The following PXDNL variants were observed in gnomAD, a reference collection of about 807,000 sequenced individuals.
PXDNL encodes probable oxidoreductase PXDNL.
In PXDNL, 145 loss-of-function variants were observed where a neutral mutation model predicts 150.8. The ratio of observed to expected loss-of-function variants is 0.96; its 90% CI spans 0.84 to 1.10. The LOEUF (loss-of-function observed/expected upper bound fraction) is 1.10, where lower values mean the gene tolerates loss of function less well. Ranked by LOEUF, PXDNL falls within the 50% of genes least tolerant of loss-of-function variation. The pLI is 0.00. For missense variants in PXDNL, 2,087 were observed against 1,873.9 expected (o/e 1.11, Z -2.10); for synonymous variants, 757 against 725.7 (o/e 1.04, Z -0.69).
In PXDNL at chr8:51,801,050, G is replaced by C. The variant is rs184532268; in HGVS notation, c.164+8131C>G. On this transcript the variant is annotated intron_variant, in intron 1 of 22. Coordinates refer to ENST00000356297, the MANE Select transcript of PXDNL (RefSeq NM_144651.5). Reference sequence around the variant, plus strand: ...AGAACCATATTTTTCTTTTTGCAGAGAGCCTATAAATTGACGTGCAAGTAG... The same window carrying C: ...AGAACCATATTTTTCTTTTTGCAGACAGCCTATAAATTGACGTGCAAGTAG... Among the ~76,000 whole-genome samples, 404 of 152,272 alleles carry C rather than the reference G, an allele frequency of 2.7e-3. 2 individuals are homozygous for C. Among genetic ancestry groups the C allele is most frequent in the Non-Finnish European group, 4.5e-3 (308 of 68,030 alleles).
intron 4 of PXDNL, among the ~76,000 whole-genome samples, chr8:51,509,115 T>C (rs886275697): frequency 2.6e-5 from 4 of 152,248 alleles, no homozygotes; most frequent in East Asian, 1.9e-4. Context: ...CTTGTTGAGA[T>C]AGTAGATTTT....
intron 5 of PXDNL, among the ~76,000 whole-genome samples, chr8:51,495,425 AAGATCAGAGC>A (rs1357440065): frequency 2.0e-5 from 3 of 152,214 alleles, no homozygotes; most frequent in Non-Finnish European, 4.4e-5. Flanking sequence ...AGAAATAACT[AAGATCAGAGC>A]AGAATTGAAG....
At chr8:51,733,999 A>G (rs1816986438) in intron 1 of PXDNL, among the ~76,000 whole-genome samples, 1 of 151,896 alleles carries the variant, frequency 6.6e-6, no homozygotes, top group South Asian at 2.1e-4. Context: ...TAGATGTTTT[A>G]TGGTTAACTC....
At chr8:51,349,278 A>T (rs75450664) in intron 19 of PXDNL, among the ~76,000 whole-genome samples, 2,711 of 152,136 alleles carry the variant, frequency 0.018, 69 homozygotes, top group African/African-American at 0.06. Context: ...CTAGATTCTT[A>T]GTGGGTGAAA....
At chr8:51,735,781 C>T (rs996476762) in intron 1 of PXDNL, among the ~76,000 whole-genome samples, 2 of 151,374 alleles carry the variant, frequency 1.3e-5, no homozygotes, top group Non-Finnish European at 2.9e-5. Flanking sequence ...CTCCTGACCT[C>T]GTGATCCGCC....
chr8:51,580,148 G>A (rs1024461520), intron 3 of PXDNL, among the ~76,000 whole-genome samples: 4 of 152,070 alleles, frequency 2.6e-5, no homozygotes, highest in Non-Finnish European at 5.9e-5. Flanking sequence ...GCCAGGATTT[G>A]AAGAAGGTGT....
At chr8:51,354,849 G>A (rs927124769) in intron 19 of PXDNL, among the ~76,000 whole-genome samples, 3 of 151,982 alleles carry the variant, frequency 2.0e-5, no homozygotes, top group African/African-American at 7.2e-5. Context: ...ATTTTCAAGG[G>A]AATGCTTTGT....
intron 4 of PXDNL, among the ~76,000 whole-genome samples, chr8:51,545,627 C>T (rs147324908): frequency 1.1e-3 from 168 of 152,238 alleles, no homozygotes; most frequent in African/African-American, 3.8e-3. Context: ...GGCCTTATGT[C>T]ATCCCATGGC....
At chr8:51,724,495 A>T (rs1278570791) in intron 1 of PXDNL, among the ~76,000 whole-genome samples, 1 of 152,148 alleles carries the variant, frequency 6.6e-6, no homozygotes, top group East Asian at 1.9e-4. Context: ...TCGCAGAAAA[A>T]AAAAGGAAAA....
intron 17 of PXDNL, among the ~76,000 whole-genome samples, chr8:51,381,291 G>A (rs188781718): frequency 6.6e-6 from 1 of 152,122 alleles, no homozygotes; most frequent in Non-Finnish European, 1.5e-5. Context: ...TTCCCACTTA[G>A]GTCTTCTAGA....
In PXDNL at chr8:51,413,270, A is replaced by ATGG; in HGVS notation, c.1796-13_1796-12insCCA. 6.6e-7 allele frequency: 1 copy of ATGG among 1,512,788 alleles called. No individual in the cohort carries two copies. Among genetic ancestry groups the ATGG allele is most frequent in the Non-Finnish European group, 9.2e-7 (1 of 1,091,104 alleles). 93.7% of individuals were successfully genotyped at this position (1,512,788 alleles called of 1,614,324 possible). A position where few individuals can be genotyped will look rare whatever the true frequency, so the allele number is the denominator to read the frequency against. On this transcript the variant is annotated splice_polypyrimidine_tract_variant and intron_variant, in intron 14 of 22. Coordinates refer to ENST00000356297, the MANE Select transcript of PXDNL (RefSeq NM_144651.5). The stretch of plus-strand genomic sequence containing the variant: ...TCTACCCTGTATAGCTTTGAAAATC[A>ATGG]ATTCCATGATTAAAAATATCAAACA...
intron 17 of PXDNL, among the ~76,000 whole-genome samples, chr8:51,383,715 C>T (rs74329203): frequency 0.024 from 3,638 of 152,110 alleles, 78 homozygotes; most frequent in South Asian, 0.079. Context: ...AAAAGTGGTG[C>T]TTTTGTCGGT....
intron 2 of PXDNL, among the ~76,000 whole-genome samples, chr8:51,652,444 CACACACACACACACACAA>C (rs1815061475): frequency 1.4e-5 from 2 of 146,792 alleles, no homozygotes; most frequent in Non-Finnish European, 3.0e-5. Context: ...CTCTCTCACA[CACACACACACACACACAA>C]ACACACACAC....
At chr8:51,447,738 A>C (rs1809708529) in intron 11 of PXDNL, among the ~76,000 whole-genome samples, 1 of 152,214 alleles carries the variant, frequency 6.6e-6, no homozygotes, top group Non-Finnish European at 1.5e-5. Context: ...ATGAGATTAT[A>C]ATTTTCAACT....
chr8:51,321,117 T>C (rs1310079551), intron 21 of PXDNL: 1 of 435,766 alleles, frequency 2.3e-6, no homozygotes, highest in African/African-American at 2.0e-5. Flanking sequence ...TGTTAAAAAA[T>C]ATTGAACATG....
chr8:51,376,844 G>C lies in PXDNL; in HGVS notation c.3558-2113C>G, dbSNP rs539356433. Among the ~76,000 whole-genome samples the C allele has an allele frequency of 2.9e-4, 44 of 151,222 alleles. No homozygotes were observed. In the East Asian group the frequency reaches 8.6e-3, roughly 30 times the overall value. On this transcript the variant is annotated intron_variant, in intron 17 of 22. Transcript: ENST00000356297. Reference sequence around the variant, plus strand: ...CGCCATTCTCCTGCCTCAGCCTCCCGAGTAGCTGGGACTACAGGCGCCCGC... The same window carrying C: ...CGCCATTCTCCTGCCTCAGCCTCCCCAGTAGCTGGGACTACAGGCGCCCGC...
intron 17 of PXDNL, among the ~76,000 whole-genome samples, chr8:51,402,947 G>A (rs903629531): frequency 1.4e-4 from 21 of 151,224 alleles, no homozygotes; most frequent in African/African-American, 2.2e-4. Context: ...AAAATTAGCC[G>A]GGCGAGGTGG....
chr8:51,540,270 G>A (rs56838206), intron 4 of PXDNL, among the ~76,000 whole-genome samples: 5,109 of 152,020 alleles, frequency 0.034, 298 homozygotes, highest in African/African-American at 0.12. Flanking sequence ...TGCTTACTTT[G>A]AATACAATTC....
intron 13 of PXDNL, 82 bp downstream of exon 13, chr8:51,426,564 T>C: frequency 2.7e-6 from 2 of 749,672 alleles, no homozygotes; most frequent in Non-Finnish European, 4.4e-6. Context: ...AAAATCAATA[T>C]GAGAATCATT....
Sources: gnomAD v4.1 joint callset for allele counts (sites outside exome capture counted in the v4.1 genomes callset) on GRCh38, gnomAD v4.1.1 for gene constraint, MANE v1.5 for transcripts, NCBI Gene and HGNC (gene_info 2026-07-23, HGNC 2026-07-21) for gene names.